TIGIT: variants seen among roughly 807,000 people sequenced by gnomAD.
TIGIT encodes the protein T-cell immunoreceptor with Ig and ITIM domains.
A neutral mutation model predicts 19.6 loss-of-function variants in TIGIT; 11 were observed. The observed-to-expected ratio is 0.56, with a 90% CI of 0.35 to 0.93. TIGIT has a LOEUF of 0.93. TIGIT is among the 40% of genes least tolerant of loss of function. The probability of loss-of-function intolerance (pLI) is 0.01; values close to 1 mark genes in which losing one functional copy is unlikely to be tolerated. For synonymous variants in TIGIT, 130 were observed against 125.5 expected, an observed-to-expected ratio of 1.04 and a Z score of -0.24; for missense variants, 295 against 303.9, an observed-to-expected ratio of 0.97 and a Z score of 0.22.
rs1165597358 is a variant in TIGIT at position 114,309,229 on chromosome 3, C to A, written c.*1098C>A. On this transcript the variant is annotated 3_prime_UTR_variant, in exon 4 of 4. Transcript: ENST00000383671. Reference sequence around the variant, plus strand: ...TGATAGAGGGTTTAAAAAATAAACACCTTCAAACTAACTTCTTCGAACCCT... The same window carrying A: ...TGATAGAGGGTTTAAAAAATAAACAACTTCAAACTAACTTCTTCGAACCCT... 6.6e-6 allele frequency: 1 copy of A among 152,222 alleles called. No individual in the cohort carries two copies. Among genetic ancestry groups the A allele is most frequent in the Non-Finnish European group, 1.5e-5 (1 of 68,036 alleles). The allele number at this position is 152,222 out of a possible 1,614,324, so 9.4% of individuals were successfully genotyped here.
At chr3:114,307,711 C>A in intron 3 of TIGIT, 184 bp from the exon 4 acceptor site, 1 of 603,648 alleles carries the variant, frequency 1.7e-6, no homozygotes, top group Non-Finnish European at 2.9e-6. Flanking sequence ...TTTCCATGGA[C>A]TAGTTAGCAT....
intron 3 of TIGIT, among the ~76,000 whole-genome samples, chr3:114,300,717 G>A (rs552871874): frequency 2.0e-5 from 3 of 152,160 alleles, no homozygotes; most frequent in Admixed American, 1.3e-4. Context: ...TTCATCCCAC[G>A]GCAGAAGGCA....
Position 114,301,465 on chromosome 3 carries a change from G to C in TIGIT, c.498+1762G>C, listed in dbSNP as rs145789958. 1.2e-4 allele frequency among the ~76,000 whole-genome samples: 18 copies of C among 152,322 alleles called. No individual in the cohort carries two copies. In the East Asian group the frequency reaches 3.1e-3, roughly 26 times the overall value. The stretch of plus-strand genomic sequence containing the variant: ...GGACAAGAGAAATGATTGAATAGAG[G>C]GGGGAGGTGAAGAAGATGAAAGTTG... On this transcript the variant is annotated intron_variant, in intron 3 of 3. Transcript: ENST00000383671.
At chr3:114,298,499 C>T (rs1165326392) in intron 2 of TIGIT, among the ~76,000 whole-genome samples, 1 of 152,144 alleles carries the variant, frequency 6.6e-6, no homozygotes, top group African/African-American at 2.4e-5. Context: ...ATCATATATC[C>T]TTTCCTGGTT....
At chr3:114,303,227 G>A (rs2078503552) in intron 3 of TIGIT, among the ~76,000 whole-genome samples, 1 of 151,810 alleles carries the variant, frequency 6.6e-6, no homozygotes, top group Non-Finnish European at 1.5e-5. Flanking sequence ...CCCGAACAGT[G>A]TACACTGTAC....
At position 114,298,579 on chromosome 3, in the gene TIGIT, C is replaced by T. The variant is rs191572932; in HGVS notation, c.392-1018C>T. 3.9e-5 allele frequency among the ~76,000 whole-genome samples: 6 copies of T among 152,346 alleles called. No individual in the cohort carries two copies. In the East Asian group the frequency reaches 1.2e-3, roughly 29 times the overall value. On this transcript the variant is annotated intron_variant, in intron 2 of 3. Coordinates refer to ENST00000383671, the MANE Select transcript of TIGIT (RefSeq NM_173799.4). Reference sequence around the variant, plus strand: ...TCTCTATGACCCCTGTGCTTTCCATCTGTCCTCTTTACTCCAGAGCTAACT... The same window carrying T: ...TCTCTATGACCCCTGTGCTTTCCATTTGTCCTCTTTACTCCAGAGCTAACT...
At chr3:114,302,506 C>A (rs1406860122) in intron 3 of TIGIT, among the ~76,000 whole-genome samples, 2 of 152,192 alleles carry the variant, frequency 1.3e-5, no homozygotes, top group Non-Finnish European at 2.9e-5. Context: ...GCACACTGTG[C>A]TCTATTAACC....
At chr3:114,304,760 C>T (rs2078519835) in intron 3 of TIGIT, among the ~76,000 whole-genome samples, 1 of 152,164 alleles carries the variant, frequency 6.6e-6, no homozygotes, top group Admixed American at 6.5e-5. Context: ...GGATTCTTTT[C>T]CATCAAGGGG....
At chr3:114,306,856 C>T (rs564099708) in intron 3 of TIGIT, among the ~76,000 whole-genome samples, 1 of 152,136 alleles carries the variant, frequency 6.6e-6, no homozygotes, top group African/African-American at 2.4e-5. Flanking sequence ...AGGTTAAGCA[C>T]CCTCCTATAT....
In TIGIT at chr3:114,299,653, C is replaced by G; in HGVS notation, c.448C>G (p.Leu150Val). 6.2e-7 allele frequency: 1 copy of G among 1,613,448 alleles called. No homozygotes were observed. Among genetic ancestry groups the G allele is most frequent in the Non-Finnish European group, 8.5e-7 (1 of 1,180,006 alleles). ...IPLLGAMAAT[L>V]VVICTAVIVV... Reference sequence around the variant, plus strand: ...ATTGCTTGGAGCCATGGCCGCGACGCTGGTGGTCATCTGCACAGCAGTCAT... The same window carrying G: ...ATTGCTTGGAGCCATGGCCGCGACGGTGGTGGTCATCTGCACAGCAGTCAT... Residue 150 changes from leucine (L) to valine (V), a missense_variant, in exon 3 of 4, where the codon CTG (leucine) becomes GTG (valine). Physicochemically the swap from Leu to Val is conservative, Grantham distance 32 (BLOSUM62 1). Transcript: ENST00000383671.
intron 3 of TIGIT, among the ~76,000 whole-genome samples, chr3:114,300,511 G>C (rs752137805): frequency 7.2e-5 from 11 of 152,170 alleles, no homozygotes; most frequent in Non-Finnish European, 1.3e-4. Flanking sequence ...TTTTGGCACT[G>C]AGTGTATGCT....
intron 2 of TIGIT, among the ~76,000 whole-genome samples, chr3:114,296,442 A>G (rs2078454275): frequency 6.6e-6 from 1 of 152,236 alleles, no homozygotes; most frequent in Non-Finnish European, 1.5e-5. Context: ...CCATGGTTAA[A>G]AGCTCAGACT....
chr3:114,295,840 T>C lies in TIGIT; in HGVS notation c.357T>C (p.Thr119=), dbSNP rs770091435. ...ACACCTACCCTGATGGGACGTACAC[T>C]GGGAGAATCTTCCTGGAGGTCCTAG... ...IYHTYPDGTY[T]GRIFLEVLES... is the part of the protein sequence containing the mutation. Residue 119 remains threonine (T), a synonymous_variant, in exon 2 of 4, where the codon ACT becomes ACC. Coordinates refer to ENST00000383671, the MANE Select transcript of TIGIT (RefSeq NM_173799.4). The C allele has an allele frequency of 6.2e-7, 1 of 1,607,378 alleles. No individual in the cohort carries two copies. Among genetic ancestry groups the C allele is most frequent in the Non-Finnish European group, 8.5e-7 (1 of 1,174,772 alleles).
Position 114,295,758 on chromosome 3 carries a change from G to A in TIGIT, c.275G>A (p.Gly92Asp). 6.2e-7 allele frequency: 1 copy of A among 1,614,176 alleles called. No individual in the cohort carries two copies. The highest frequency in any genetic ancestry group is 8.5e-7 in the Non-Finnish European group (1 of 1,180,048). The change falls in exon 2 of 4, where the codon GGC becomes GAC. Residue 92 changes from glycine to aspartate, a missense_variant. Coordinates refer to ENST00000383671, the MANE Select transcript of TIGIT (RefSeq NM_173799.4). ...KDRVAPGPGL[G>D]LTLQSLTVND... is the part of the protein sequence containing the mutation. ...CGAGTGGCCCCAGGTCCCGGCCTGGGCCTCACCCTCCAGTCGCTGACCGTG... is the reference window on the plus strand; with the variant it reads ...CGAGTGGCCCCAGGTCCCGGCCTGGACCTCACCCTCCAGTCGCTGACCGTG...
intron 3 of TIGIT, 53 bp downstream of exon 3, chr3:114,299,756 C>G (rs1359348699): frequency 8.8e-6 from 11 of 1,245,730 alleles, no homozygotes; most frequent in Non-Finnish European, 1.2e-5. Flanking sequence ...GTCTGGCACC[C>G]GGGTCCTTTC....
Position 114,307,876 on chromosome 3 carries a change from G to T in TIGIT, c.499-19G>T. ...AATAACATCCCCACATACTCACTTT[G>T]TAGTTTGTTTGTTTTTAGAAGAAAG... On this transcript the variant is annotated intron_variant, in intron 3 of 3. Transcript: ENST00000383671. 6.2e-7 allele frequency: 1 copy of T among 1,603,282 alleles called. No homozygotes were observed. The highest frequency in any genetic ancestry group is 8.5e-7 in the Non-Finnish European group (1 of 1,170,222).
intron 3 of TIGIT, 190 bp from the exon 4 acceptor site, chr3:114,307,705 C>A: frequency 1.7e-6 from 1 of 594,706 alleles, no homozygotes; most frequent in Non-Finnish European, 3.0e-6. Flanking sequence ...GTGCAGTTTC[C>A]ATGGACTAGT....
Position 114,308,497 on chromosome 3 carries a change from AT to A in TIGIT, c.*367del, listed in dbSNP as rs1253296092. The stretch of plus-strand genomic sequence containing the variant: ...CAAGGTTTTGTGGTTGATGATGAGG[AT>A]GGCATGACTGCAGAGCCATCCTCAT... On this transcript the variant is annotated 3_prime_UTR_variant, in exon 4 of 4. Transcript: ENST00000383671. 2 of 190,724 alleles carry A rather than the reference AT, an allele frequency of 1.0e-5. No individual in the cohort carries two copies. The highest frequency in any genetic ancestry group is 1.1e-4 in the Admixed American group (2 of 17,528). The allele number at this position is 190,724 out of a possible 1,614,324, so 11.8% of individuals were successfully genotyped here. A position where few individuals can be genotyped will look rare whatever the true frequency, so the allele number is the denominator to read the frequency against.
At chr3:114,295,907 C>A in intron 2 of TIGIT, 33 bp downstream of exon 2, 1 of 1,535,884 alleles carries the variant, frequency 6.5e-7, no homozygotes, top group Non-Finnish European at 8.9e-7. Context: ...GTGGATAAAC[C>A]TCTCCCTCTA....
Sources: allele counts gnomAD v4.1 joint callset (sites outside exome capture counted in the v4.1 genomes callset), GRCh38; gene constraint gnomAD v4.1.1; transcripts MANE v1.5; gene names NCBI Gene and HGNC (gene_info 2026-07-23, HGNC 2026-07-21).